The following LINGO2 variants were observed in gnomAD, a reference collection of about 807,000 sequenced individuals.
LINGO2 encodes the protein leucine-rich repeat and immunoglobulin-like domain-containing nogo receptor-interacting protein 2.
Under a neutral mutation model 30.6 loss-of-function variants are expected in LINGO2, and 14 were observed. The observed-to-expected ratio is 0.46, with a 90% CI of 0.30 to 0.72. LINGO2 has a LOEUF of 0.72. Ranked by LOEUF, LINGO2 falls within the 30% of genes least tolerant of loss-of-function variation. The pLI, the probability that LINGO2 is intolerant of heterozygous loss-of-function variation, is 0.07. For missense variants in LINGO2, 729 were observed against 751.7 expected (o/e 0.97, Z 0.35); for synonymous variants, 317 against 288.5 (o/e 1.10, Z -1.00).
At chr9:28,023,086 T>G (rs1337645783) in intron 4 of LINGO2, among the ~76,000 whole-genome samples, 1 of 152,268 alleles carries the variant, frequency 6.6e-6, no homozygotes, top group Non-Finnish European at 1.5e-5. Context: ...CATTTTCAAT[T>G]AGAGCCTTTA....
chr9:28,646,670 G>T (rs1397700991), intron 1 of LINGO2, among the ~76,000 whole-genome samples: 1 of 151,968 alleles, frequency 6.6e-6, no homozygotes, highest in African/African-American at 2.4e-5. Context: ...ATTTGGAGAG[G>T]CTGATGTCTC....
chr9:28,340,778 A>G (rs1465677699), intron 3 of LINGO2, among the ~76,000 whole-genome samples: 2 of 152,118 alleles, frequency 1.3e-5, no homozygotes, highest in African/African-American at 4.8e-5. Context: ...GATGCTCATT[A>G]TAGAAAATAC....
At chr9:28,787,120 G>A in the LINGO2 span, among the ~76,000 whole-genome samples, 1 of 152,102 alleles carries the variant, frequency 6.6e-6, no homozygotes, top group Admixed American at 6.6e-5. Context: ...TAATAATGAA[G>A]CACTGGACCT....
intron 1 of LINGO2, among the ~76,000 whole-genome samples, chr9:28,626,125 GCA>G (rs1257304622): frequency 6.6e-6 from 1 of 152,040 alleles, no homozygotes; most frequent in African/African-American, 2.4e-5. Flanking sequence ...TTTAGTTGTT[GCA>G]CAGTTTTATC....
the LINGO2 span, among the ~76,000 whole-genome samples, chr9:29,180,637 T>C: frequency 6.6e-6 from 1 of 152,128 alleles, no homozygotes; most frequent in African/African-American, 2.4e-5. Context: ...TTTCAAAGCT[T>C]TTAAACCGTG....
At chr9:28,124,842 A>G (rs540830655) in intron 4 of LINGO2, among the ~76,000 whole-genome samples, 1 of 152,348 alleles carries the variant, frequency 6.6e-6, no homozygotes, top group East Asian at 1.9e-4. Context: ...GTGGCCTTTC[A>G]TTGAATCAAG....
At chr9:28,495,652 A>G (rs1402970779) in intron 1 of LINGO2, among the ~76,000 whole-genome samples, 4 of 151,992 alleles carry the variant, frequency 2.6e-5, no homozygotes, top group African/African-American at 9.7e-5. Context: ...AGGTGTCTCT[A>G]TTTCCTTCAT....
At position 28,482,773 on chromosome 9, in the gene LINGO2, G is replaced by A. The variant is rs1391363308; in HGVS notation, c.-364-6748C>T. Among the ~76,000 whole-genome samples, 6 of 152,048 alleles carry A rather than the reference G, an allele frequency of 3.9e-5. No homozygotes were observed. The South Asian group carries it at 8.3e-4, about 21-fold the overall frequency. The stretch of plus-strand genomic sequence containing the variant: ...GGTTCCCTATTTAATAAATGGTGCT[G>A]GGAAAACTGGCTAGCCATATGTAGA... On this transcript the variant is annotated intron_variant, in intron 1 of 5. Coordinates refer to ENST00000379992, the Ensembl canonical transcript of LINGO2.
chr9:28,078,400 T>C (rs1190413508), intron 4 of LINGO2, among the ~76,000 whole-genome samples: 1 of 149,064 alleles, frequency 6.7e-6, no homozygotes, highest in African/African-American at 2.6e-5. Flanking sequence ...AAAAAAACTT[T>C]AGAGAACTTA....
At chr9:28,004,626 AG>A (rs1265175051) in intron 5 of LINGO2, among the ~76,000 whole-genome samples, 1 of 142,836 alleles carries the variant, frequency 7.0e-6, no homozygotes, top group Non-Finnish European at 1.5e-5. Flanking sequence ...TGTGATAAGT[AG>A]TTTTTTTTCC....
chr9:28,559,525 C>T (rs1335885552), intron 1 of LINGO2, among the ~76,000 whole-genome samples: 2 of 152,108 alleles, frequency 1.3e-5, no homozygotes, highest in Non-Finnish European at 2.9e-5. Context: ...TTCCAAGATC[C>T]TACAGTACAT....
chr9:28,016,875 GACA>G (rs576952881), intron 4 of LINGO2, among the ~76,000 whole-genome samples: 125 of 151,938 alleles, frequency 8.2e-4, no homozygotes, highest in Non-Finnish European at 1.2e-3. Context: ...ACTTAGCAGA[GACA>G]ACAACAACAA....
rs200082723 is a variant in LINGO2 at position 28,438,827 on chromosome 9, CATATAT to C, written c.-279+37107_-279+37112del. Among the ~76,000 whole-genome samples, 1,115 of 130,802 alleles carry C rather than the reference CATATAT, an allele frequency of 8.5e-3. 17 individuals are homozygous for C. The highest frequency in any genetic ancestry group is 0.029 in the African/African-American group (1,024 of 35,470). 85.8% of individuals were successfully genotyped at this position (130,802 alleles called of 152,430 possible). A position where few individuals can be genotyped will look rare whatever the true frequency, so the allele number is the denominator to read the frequency against. Reference sequence around the variant, plus strand: ...TAAGAAAGGAAGAAGAAAATATATACATATATATATATATATATATATAATGAGATA... The same window carrying C: ...TAAGAAAGGAAGAAGAAAATATATACATATATATATATATATAATGAGATA... On this transcript the variant is annotated intron_variant, in intron 2 of 5. Transcript: ENST00000379992.
At chr9:28,814,008 A>G in the LINGO2 span, among the ~76,000 whole-genome samples, 1 of 152,226 alleles carries the variant, frequency 6.6e-6, no homozygotes, top group African/African-American at 2.4e-5. Context: ...CAGGAAGCAT[A>G]TATATACAAT....
chr9:29,155,353 G>A, the LINGO2 span, among the ~76,000 whole-genome samples: 156 of 152,128 alleles, frequency 1.0e-3, no homozygotes, highest in East Asian at 0.01. Context: ...TGTCATTTAT[G>A]TACATGAATG....
At chr9:28,875,136 C>T in the LINGO2 span, among the ~76,000 whole-genome samples, 1 of 152,028 alleles carries the variant, frequency 6.6e-6, no homozygotes, top group Non-Finnish European at 1.5e-5. Flanking sequence ...TTCTGGTTCT[C>T]CTCAATTAAC....
At chr9:28,021,552 T>C (rs1361152586) in intron 4 of LINGO2, among the ~76,000 whole-genome samples, 3 of 152,154 alleles carry the variant, frequency 2.0e-5, no homozygotes, top group Non-Finnish European at 2.9e-5. Context: ...TTATTGATTG[T>C]CTGCCTGCTT....
intron 2 of LINGO2, among the ~76,000 whole-genome samples, chr9:28,429,965 A>G (rs949196510): frequency 6.6e-6 from 1 of 152,206 alleles, no homozygotes; most frequent in African/African-American, 2.4e-5. Flanking sequence ...ACCTATGAAG[A>G]TGAATTAGTT....
chr9:28,646,802 C>A (rs1339835910), intron 1 of LINGO2, among the ~76,000 whole-genome samples: 4 of 152,004 alleles, frequency 2.6e-5, no homozygotes, highest in Admixed American at 6.6e-5. Flanking sequence ...AGCTTGGTAG[C>A]AGGATAATAT....
Sources: gnomAD v4.1 joint callset for allele counts (sites outside exome capture counted in the v4.1 genomes callset) on GRCh38, gnomAD v4.1.1 for gene constraint, MANE v1.5 for transcripts, NCBI Gene and HGNC (gene_info 2026-07-23, HGNC 2026-07-21) for gene names.